The following EPB41L2 variants were observed in gnomAD, a reference collection of about 807,000 sequenced individuals.
EPB41L2 encodes the protein erythrocyte membrane protein band 4.1 like 2.
Under a neutral mutation model 113.0 loss-of-function variants are expected in EPB41L2, and 43 were observed. That is an observed-to-expected ratio of 0.38 (90% CI 0.30 to 0.49). The LOEUF (loss-of-function observed/expected upper bound fraction) is 0.49, where lower values mean the gene tolerates loss of function less well. Among genes scored for constraint, EPB41L2 ranks in the 20% least tolerant of loss-of-function variants. The probability of loss-of-function intolerance (pLI) is 0.95; values close to 1 mark genes in which losing one functional copy is unlikely to be tolerated. For synonymous variants in EPB41L2, 442 were observed against 436.7 expected (o/e 1.01, Z -0.15); for missense variants, 1,147 against 1,223.4 (o/e 0.94, Z 0.93).
rs2128725252 is a variant in EPB41L2 at position 131,011,107 on chromosome 6, T to C, written c.-15+52048A>G. Among the ~76,000 whole-genome samples the C allele has an allele frequency of 2.0e-5, 3 of 152,330 alleles. 1 individual carries two copies. The Middle Eastern group carries it at 0.01, about 518-fold the overall frequency. ...CACTCAAAATTTAGCGACTGGCTAT[T>C]ATGTAATCAGCACTGTGCCAGGACC... is the stretch of plus-strand genomic sequence containing the variant. On this transcript the variant is annotated intron_variant, in intron 1 of 19. Coordinates refer to ENST00000337057, the MANE Select transcript of EPB41L2 (RefSeq NM_001431.4).
At chr6:130,887,373 T>C (rs1296259514) in intron 11 of EPB41L2, among the ~76,000 whole-genome samples, 3 of 152,218 alleles carry the variant, frequency 2.0e-5, no homozygotes, top group Admixed American at 6.5e-5. Flanking sequence ...GCCTGCTTCC[T>C]TGCTCAATCT....
chr6:131,046,635 A>G (rs1459909305), intron 1 of EPB41L2, among the ~76,000 whole-genome samples: 3 of 152,170 alleles, frequency 2.0e-5, no homozygotes, highest in East Asian at 1.9e-4. Flanking sequence ...ACTGTGAACG[A>G]CAGGCTTCAA....
At chr6:130,888,587 A>G (rs1791793422) in intron 11 of EPB41L2, among the ~76,000 whole-genome samples, 1 of 152,212 alleles carries the variant, frequency 6.6e-6, no homozygotes, top group African/African-American at 2.4e-5. Context: ...AATGCTGAAA[A>G]CAGACAGTGT....
chr6:130,995,199 GGTGAT>G (rs1428130269), intron 1 of EPB41L2, among the ~76,000 whole-genome samples: 1 of 152,146 alleles, frequency 6.6e-6, no homozygotes, highest in African/African-American at 2.4e-5. Flanking sequence ...AGCCAGGTGT[GGTGAT>G]GGGCGCCTGT....
In EPB41L2 at chr6:130,942,191, C is replaced by T. The variant is rs189221567; in HGVS notation, c.705+12914G>A. The stretch of plus-strand genomic sequence containing the variant: ...CCACTTGGCCACAGAGTATGTGCTC[C>T]TGCTAAGGGAATGGATGAATAGAAT... On this transcript the variant is annotated intron_variant, in intron 3 of 19. Coordinates refer to ENST00000337057, the MANE Select transcript of EPB41L2 (RefSeq NM_001431.4). 2.2e-4 allele frequency among the ~76,000 whole-genome samples: 33 copies of T among 152,266 alleles called. 1 individual carries two copies. The highest frequency in any genetic ancestry group is 1.8e-3 in the Admixed American group (28 of 15,300).
At chr6:130,855,969 C>T (rs983005155) in intron 19 of EPB41L2, among the ~76,000 whole-genome samples, 15 of 152,108 alleles carry the variant, frequency 9.9e-5, no homozygotes, top group Admixed American at 4.6e-4. Flanking sequence ...CAGGGATAGA[C>T]GCATGGACCA....
At chr6:130,873,762 A>G (rs6569710) in intron 14 of EPB41L2, among the ~76,000 whole-genome samples, 53,494 of 146,734 alleles carry the variant, frequency 0.36, 9,692 homozygotes, top group East Asian at 0.46. Context: ...CACCGCACCC[A>G]GTCACTATTC....
At chr6:131,045,246 A>C (rs1218477516) in intron 1 of EPB41L2, among the ~76,000 whole-genome samples, 1 of 151,472 alleles carries the variant, frequency 6.6e-6, no homozygotes, top group Non-Finnish European at 1.5e-5. Context: ...GTACCCCTTA[A>C]AATGAGGTAT....
At chr6:131,030,233 C>G (rs542009959) in intron 1 of EPB41L2, among the ~76,000 whole-genome samples, 1 of 152,166 alleles carries the variant, frequency 6.6e-6, no homozygotes, top group South Asian at 2.1e-4. Flanking sequence ...TCTCATAGCA[C>G]GACATGGCCA....
intron 4 of EPB41L2, among the ~76,000 whole-genome samples, chr6:130,920,253 T>C (rs1583458033): frequency 6.6e-6 from 1 of 152,230 alleles, no homozygotes; most frequent in East Asian, 1.9e-4. Flanking sequence ...TTAAATTACT[T>C]ACAGTAAATA....
In EPB41L2 at chr6:130,962,272, T is replaced by C. The variant is rs1487696262; in HGVS notation, c.-14-5773A>G. Among the ~76,000 whole-genome samples the C allele has an allele frequency of 1.5e-5, 2 of 137,388 alleles. 1 individual carries two copies. The highest frequency in any genetic ancestry group is 4.6e-4 in the South Asian group (2 of 4,352). The allele number at this position is 137,388 out of a possible 152,430, so 90.1% of individuals were successfully genotyped here. A position where few individuals can be genotyped will look rare whatever the true frequency, so the allele number is the denominator to read the frequency against. ...GGAGAAGGGGAAGAGGCAGGAGAGG[T>C]GGGGCAGAGGGGAAGGAGGAAGTGG... On this transcript the variant is annotated intron_variant, in intron 1 of 19. Coordinates refer to ENST00000337057, the MANE Select transcript of EPB41L2 (RefSeq NM_001431.4).
intron 13 of EPB41L2, among the ~76,000 whole-genome samples, chr6:130,878,960 T>C (rs1788431855): frequency 6.6e-6 from 1 of 152,232 alleles, no homozygotes; most frequent in Non-Finnish European, 1.5e-5. Context: ...CCTCCGCAAC[T>C]GCCAGATCGT....
chr6:130,893,731 T>C (rs1793698985), intron 10 of EPB41L2, among the ~76,000 whole-genome samples: 1 of 152,142 alleles, frequency 6.6e-6, no homozygotes, highest in African/African-American at 2.4e-5. Context: ...ACAGGACTAA[T>C]CCAGGACTAG....
intron 18 of EPB41L2, among the ~76,000 whole-genome samples, chr6:130,859,072 C>T (rs75220383): frequency 1.8e-3 from 273 of 152,292 alleles, no homozygotes; most frequent in African/African-American, 6.0e-3. Context: ...CAAAGTTTCT[C>T]TGTGTTTTAT....
intron 1 of EPB41L2, among the ~76,000 whole-genome samples, chr6:130,991,844 AT>A (rs1007035154): frequency 4.6e-5 from 7 of 152,178 alleles, no homozygotes; most frequent in Non-Finnish European, 4.4e-5. Flanking sequence ...ATATAAAAAA[AT>A]ATTTTTTCAA....
intron 6 of EPB41L2, among the ~76,000 whole-genome samples, chr6:130,902,299 C>T (rs1796504507): frequency 6.6e-6 from 1 of 152,192 alleles, no homozygotes; most frequent in Non-Finnish European, 1.5e-5. Context: ...GGCCTCTGGT[C>T]CAGGCCTTGT....
chr6:130,904,297 C>G (rs571418776), intron 6 of EPB41L2, among the ~76,000 whole-genome samples, 168 bp downstream of exon 6: 1 of 152,180 alleles, frequency 6.6e-6, no homozygotes, highest in African/African-American at 2.4e-5. Flanking sequence ...ATTTTTGAAA[C>G]TGGCAACATT....
intron 19 of EPB41L2, among the ~76,000 whole-genome samples, chr6:130,852,638 G>T (rs1476751266): frequency 6.6e-6 from 1 of 152,144 alleles, no homozygotes; most frequent in Admixed American, 6.5e-5. Flanking sequence ...ACAGCCTCAT[G>T]CTGACCGTCA....
intron 1 of EPB41L2, among the ~76,000 whole-genome samples, chr6:130,974,536 A>G (rs1367700375): frequency 6.6e-6 from 1 of 152,014 alleles, no homozygotes; most frequent in African/African-American, 2.4e-5. Flanking sequence ...TGGCACTATG[A>G]TTTTGAAAGA....
Sources: gnomAD v4.1 joint callset for allele counts (sites outside exome capture counted in the v4.1 genomes callset) on GRCh38, gnomAD v4.1.1 for gene constraint, MANE v1.5 for transcripts, NCBI Gene and HGNC (gene_info 2026-07-23, HGNC 2026-07-21) for gene names.